Variants in PHRF1 observed in about 807,000 individuals in gnomAD.
PHRF1 encodes PHD and ring finger domains 1.
Under a neutral mutation model 128.9 loss-of-function variants are expected in PHRF1, and 53 were observed. The observed-to-expected ratio is 0.41, with a 90% CI of 0.33 to 0.52. PHRF1 has a LOEUF of 0.52. PHRF1 is among the 20% of genes least tolerant of loss of function. The pLI, the probability that PHRF1 is intolerant of heterozygous loss-of-function variation, is 0.21. For synonymous variants in PHRF1, 1,178 were observed against 980.6 expected (o/e 1.20, Z -3.76); for missense variants, 2,503 against 2,284.5 (o/e 1.10, Z -1.95).
Position 605,517 on chromosome 11 carries a change from G to T in PHRF1, c.1335-88G>T. On this transcript the variant is annotated intron_variant, in intron 11 of 17. Transcript: ENST00000264555. ...CGTGCCGCCACATGGCCAGTGCTCG[G>T]CCATCCTCCTCCGTGCCGTCTCCCT... The T allele has an allele frequency of 3.8e-6, 6 of 1,558,490 alleles. No homozygotes were observed. In the South Asian group the frequency reaches 6.1e-5, roughly 16 times the overall value.
At chr11:611,400 C>T (rs992944260) in intron 17 of PHRF1, among the ~76,000 whole-genome samples, 25 of 152,134 alleles carry the variant, frequency 1.6e-4, no homozygotes, top group African/African-American at 5.8e-4. Context: ...CGTCTCAGCC[C>T]ATGCTCCCCC....
At chr11:606,712 A>C (rs1270659800) in intron 13 of PHRF1, 116 bp downstream of exon 13, 1 of 1,370,754 alleles carries the variant, frequency 7.3e-7, no homozygotes, top group Admixed American at 2.8e-5. Context: ...TGGGGGGACC[A>C]TTCCTCAGCC....
chr11:606,387 G>C, intron 12 of PHRF1, 55 bp from the exon 13 acceptor site: 1 of 1,497,598 alleles, frequency 6.7e-7, no homozygotes, highest in South Asian at 1.2e-5. Flanking sequence ...GCCTGGGTGC[G>C]GGCCCTCAGG....
At chr11:590,636 G>A (rs1465334799) in intron 4 of PHRF1, among the ~76,000 whole-genome samples, 1 of 152,162 alleles carries the variant, frequency 6.6e-6, no homozygotes, top group Non-Finnish European at 1.5e-5. Flanking sequence ...ATCTTATGTG[G>A]GTCAGAACAC....
In PHRF1 at chr11:587,479, G is replaced by A. The variant is rs765679649; in HGVS notation, c.420+15G>A. 3 of 1,611,858 alleles carry A rather than the reference G, an allele frequency of 1.9e-6. No individual in the cohort carries two copies. Among genetic ancestry groups the A allele is most frequent in the Non-Finnish European group, 2.5e-6 (3 of 1,179,346 alleles). On this transcript the variant is annotated intron_variant, in intron 4 of 17. Coordinates refer to ENST00000264555, the MANE Select transcript of PHRF1 (RefSeq NM_001286581.2). ...AATGGTCCAAGGTGAGTTCACCTCTGGTTGGGTGCTTCCTCCCTTCAGGAT... is the reference window on the plus strand; with the variant it reads ...AATGGTCCAAGGTGAGTTCACCTCTAGTTGGGTGCTTCCTCCCTTCAGGAT...
intron 5 of PHRF1, among the ~76,000 whole-genome samples, chr11:591,919 T>G (rs1043087893): frequency 3.3e-5 from 5 of 151,094 alleles, no homozygotes; most frequent in Admixed American, 1.3e-4. Flanking sequence ...GCTGTTTTTT[T>G]TTTTTTTTTT....
rs1269739555 is a variant in PHRF1, at chr11:608,511, TCTGGGACGC to T, written c.3056_3064del (p.Ser1019_Arg1022delinsCys). The stretch of plus-strand genomic sequence containing the variant: ...GTCCAGGGAGCACGGACGGACGCGC[TCTGGGACGC>T]GCTCTGAATCCAGGGACAGGAGCTC... On this transcript the variant is annotated inframe_deletion, in exon 14 of 18. Coordinates refer to ENST00000264555, the MANE Select transcript of PHRF1 (RefSeq NM_001286581.2). 6.9e-7 allele frequency: 1 copy of T among 1,448,150 alleles called. No individual in the cohort carries two copies. Among genetic ancestry groups the T allele is most frequent in the Non-Finnish European group, 9.3e-7 (1 of 1,074,988 alleles). The allele number at this position is 1,448,150 out of a possible 1,614,324, so 89.7% of individuals were successfully genotyped here.
rs183571614 is a variant in PHRF1 at position 581,591 on chromosome 11, C to T, written c.79C>T (p.Pro27Ser). Residue 27 changes from proline (P) to serine (S), a missense_variant, in exon 2 of 18, where the codon CCG becomes TCG. Transcript: ENST00000264555. ...ACACCCACAGGTCGGCCCTGCGGAC[C>T]CGGCAGGTGACTTTGGTGAGCTGCC... Reference protein sequence around the residue: ...DGHPQVGPADPAGDFEESSVG... With the variant: ...DGHPQVGPADSAGDFEESSVG... 27 of 1,612,758 alleles carry T rather than the reference C, an allele frequency of 1.7e-5. No individual in the cohort carries two copies. The African/African-American group carries it at 3.6e-4, about 21-fold the overall frequency.
chr11:592,002 G>T (rs2132944544), intron 5 of PHRF1, among the ~76,000 whole-genome samples: 1 of 149,660 alleles, frequency 6.7e-6, no homozygotes, highest in Admixed American at 6.7e-5. Context: ...TGCAAGCTCT[G>T]CCTCCTGGGT....
At position 611,047 on chromosome 11, in the gene PHRF1, G is replaced by C. The variant is rs1241684775; in HGVS notation, c.4771G>C (p.Glu1591Gln). 1.2e-6 allele frequency: 2 copies of C among 1,613,316 alleles called. No individual in the cohort carries two copies. Residue 1591 changes from glutamate (E) to glutamine (Q), a missense_variant, in exon 17 of 18, where the codon GAG becomes CAG. By Grantham distance (29) the Glu-to-Gln change is conservative. Coordinates refer to ENST00000264555, the MANE Select transcript of PHRF1 (RefSeq NM_001286581.2). ...CCAGAAGAGGGAGGTGACCAAGGAG[G>C]AGTACAAGGACATCCTGCGCAAGGC... ...FYQKREVTKEEYKDILRKAVQ... is the reference protein window; with the variant it reads ...FYQKREVTKEQYKDILRKAVQ...
Position 606,466 on chromosome 11 carries a change from A to G in PHRF1, c.1479A>G (p.Pro493=). 1.3e-6 allele frequency: 2 copies of G among 1,580,002 alleles called. No homozygotes were observed. The highest frequency in any genetic ancestry group is 8.6e-7 in the Non-Finnish European group (1 of 1,167,848). Residue 493 remains proline (P), a synonymous_variant, in exon 13 of 18, where the codon CCA becomes CCG. Transcript: ENST00000264555. ...LSRRRLPAAV[P]EPDLEEEPVP... Reference sequence around the variant, plus strand: ...GGAGGCGCCTCCCTGCCGCGGTGCCAGAGCCAGACTTGGAGGAGGAGCCAG... The same window carrying G: ...GGAGGCGCCTCCCTGCCGCGGTGCCGGAGCCAGACTTGGAGGAGGAGCCAG...
rs1368108862 is a variant in PHRF1 at position 607,476 on chromosome 11, A to G, written c.2020A>G (p.Thr674Ala). Residue 674 changes from threonine (T) to alanine (A), a missense_variant, in exon 14 of 18, where the codon ACA (threonine) becomes GCA (alanine). Transcript: ENST00000264555. Reference sequence around the variant, plus strand: ...TCCCCTGAAGCCAGCGCCCAGAAGAACAGACATCTCTGAGCTACCCAGGAT... The same window carrying G: ...TCCCCTGAAGCCAGCGCCCAGAAGAGCAGACATCTCTGAGCTACCCAGGAT... ...GPPLKPAPRR[T>A]DISELPRIPK... 1.2e-6 allele frequency: 2 copies of G among 1,612,840 alleles called. No individual in the cohort carries two copies. Among genetic ancestry groups the G allele is most frequent in the South Asian group, 1.1e-5 (1 of 91,086 alleles).
chr11:601,570 T>C lies in PHRF1; in HGVS notation c.1025-4T>C. 6.2e-7 allele frequency: 1 copy of C among 1,613,592 alleles called. No homozygotes were observed. The highest frequency in any genetic ancestry group is 8.5e-7 in the Non-Finnish European group (1 of 1,179,864). On this transcript the variant is annotated splice_region_variant and splice_polypyrimidine_tract_variant and intron_variant, in intron 9 of 17. Coordinates refer to ENST00000264555, the MANE Select transcript of PHRF1 (RefSeq NM_001286581.2). ...AAGCACAGACTTCAACCTCTTTTCC[T>C]TAGGAAGACGGAAGAAAGTGCCGGG...
At chr11:582,156 C>T in intron 3 of PHRF1, 75 bp downstream of exon 3, 1 of 1,542,500 alleles carries the variant, frequency 6.5e-7, no homozygotes, top group Non-Finnish European at 8.7e-7. Flanking sequence ...ATAACACATC[C>T]TCCGTGAGAG....
intron 9 of PHRF1, among the ~76,000 whole-genome samples, chr11:601,291 CGGT>C (rs1401837345): frequency 6.7e-6 from 1 of 149,316 alleles, no homozygotes; most frequent in African/African-American, 2.5e-5. Context: ...TAGCTGGGCA[CGGT>C]GGTGCCTACC....
At chr11:610,817 G>C (rs536716434) in intron 16 of PHRF1, 56 bp downstream of exon 16, 1 of 1,587,898 alleles carries the variant, frequency 6.3e-7, no homozygotes, top group Non-Finnish European at 8.6e-7. Context: ...TGAAACTAAA[G>C]TTGTTGGGGC....
chr11:603,529 C>G (rs987065332), intron 10 of PHRF1, among the ~76,000 whole-genome samples: 1 of 151,914 alleles, frequency 6.6e-6, no homozygotes, highest in African/African-American at 2.4e-5. Context: ...GAGACGGGGT[C>G]TCACTGCGTT....
intron 13 of PHRF1, 26 bp downstream of exon 13, chr11:606,622 C>T: frequency 1.3e-6 from 2 of 1,577,750 alleles, no homozygotes; most frequent in Non-Finnish European, 1.7e-6. Flanking sequence ...GCCACGGCCC[C>T]TTCCTCTGTG....
intron 3 of PHRF1, among the ~76,000 whole-genome samples, chr11:583,431 C>T (rs1381437667): frequency 2.6e-5 from 4 of 151,628 alleles, no homozygotes; most frequent in Non-Finnish European, 5.9e-5. Flanking sequence ...GTTGGAGGAT[C>T]GCTTGAGCCC....
Sources: gnomAD v4.1 joint callset for allele counts (sites outside exome capture counted in the v4.1 genomes callset) on GRCh38, gnomAD v4.1.1 for gene constraint, MANE v1.5 for transcripts, NCBI Gene and HGNC (gene_info 2026-07-23, HGNC 2026-07-21) for gene names.